GABRB2: variants seen among roughly 807,000 people sequenced by gnomAD.
GABRB2 encodes the protein gamma-aminobutyric acid type A receptor subunit beta2.
GABRB2 carries 16 observed loss-of-function variants against 54.7 expected under a neutral mutation model. That is an observed-to-expected ratio of 0.29 (90% CI 0.20 to 0.44). The LOEUF (loss-of-function observed/expected upper bound fraction) is 0.44. Among genes scored for constraint, GABRB2 ranks in the 20% least tolerant of loss-of-function variants. GABRB2 has a pLI of 1.00. For synonymous variants in GABRB2, 244 were observed against 233.8 expected (o/e 1.04, Z -0.40); for missense variants, 355 against 644.0 (o/e 0.55, Z 4.86).
intron 5 of GABRB2, among the ~76,000 whole-genome samples, chr5:161,368,562 A>G (rs1367152671): frequency 6.6e-6 from 1 of 152,190 alleles, no homozygotes; most frequent in East Asian, 1.9e-4. Flanking sequence ...AAAGAAAATT[A>G]GACCTGATGG....
At chr5:161,297,147 T>C (rs558706174) in intron 9 of GABRB2, among the ~76,000 whole-genome samples, 3 of 152,230 alleles carry the variant, frequency 2.0e-5, no homozygotes, top group African/African-American at 7.2e-5. Context: ...CTAGAGATCT[T>C]GACAGGCTGA....
intron 5 of GABRB2, among the ~76,000 whole-genome samples, chr5:161,401,349 G>A (rs368261967): frequency 2.4e-4 from 37 of 152,144 alleles, no homozygotes; most frequent in African/African-American, 8.7e-4. Flanking sequence ...AATTCTAAAT[G>A]TACTTGGGGT....
chr5:161,443,565 C>T (rs999282855), intron 4 of GABRB2, among the ~76,000 whole-genome samples: 4 of 152,204 alleles, frequency 2.6e-5, no homozygotes, highest in African/African-American at 7.2e-5. Flanking sequence ...TGAGGTTCCC[C>T]AAATCAGAAT....
intron 9 of GABRB2, among the ~76,000 whole-genome samples, chr5:161,319,850 C>T (rs1758156768): frequency 6.6e-6 from 1 of 151,658 alleles, no homozygotes; most frequent in African/African-American, 2.4e-5. Flanking sequence ...TTAAGTTCAT[C>T]TTTAGTTAAT....
intron 5 of GABRB2, among the ~76,000 whole-genome samples, chr5:161,338,363 C>T (rs1342396826): frequency 6.6e-6 from 1 of 152,124 alleles, no homozygotes; most frequent in Non-Finnish European, 1.5e-5. Flanking sequence ...CTTGCAAACA[C>T]CACAAACTAT....
chr5:161,388,915 AT>A (rs1225350551), intron 5 of GABRB2, among the ~76,000 whole-genome samples: 1 of 152,044 alleles, frequency 6.6e-6, no homozygotes, highest in African/African-American at 2.4e-5. Context: ...TAAGCCTTGA[AT>A]AATTCTTTTT....
chr5:161,466,200 A>T (rs1368064274), intron 3 of GABRB2, among the ~76,000 whole-genome samples: 1 of 152,074 alleles, frequency 6.6e-6, no homozygotes, highest in Non-Finnish European at 1.5e-5. Context: ...TATCCATCAT[A>T]TAAAGTGTAC....
At chr5:161,471,204 A>G (rs1455542820) in intron 3 of GABRB2, among the ~76,000 whole-genome samples, 1 of 152,020 alleles carries the variant, frequency 6.6e-6, no homozygotes, top group Non-Finnish European at 1.5e-5. Context: ...TTTATCTATC[A>G]AAAGCAAACG....
At chr5:161,350,780 T>C (rs995052735) in intron 5 of GABRB2, among the ~76,000 whole-genome samples, 9 of 152,108 alleles carry the variant, frequency 5.9e-5, no homozygotes, top group Admixed American at 4.6e-4. Context: ...CTAAGTCTTC[T>C]GGTCTCCATC....
intron 5 of GABRB2, among the ~76,000 whole-genome samples, chr5:161,362,504 G>A (rs1340672851): frequency 6.6e-6 from 1 of 152,088 alleles, no homozygotes; most frequent in Non-Finnish European, 1.5e-5. Flanking sequence ...AAAAGCAATG[G>A]CAACAAAAGC....
chr5:161,306,122 C>T (rs1012463307), intron 9 of GABRB2, among the ~76,000 whole-genome samples: 7 of 152,202 alleles, frequency 4.6e-5, no homozygotes, highest in African/African-American at 1.7e-4. Flanking sequence ...GGTTTTGAAA[C>T]TGACGTCAAT....
intron 9 of GABRB2, among the ~76,000 whole-genome samples, chr5:161,313,925 G>T (rs1165183334): frequency 6.6e-6 from 1 of 152,184 alleles, no homozygotes; most frequent in Non-Finnish European, 1.5e-5. Flanking sequence ...GTCTCCAAGA[G>T]GATTAGTTTA....
chr5:161,490,773 G>A (rs935115544), intron 3 of GABRB2, among the ~76,000 whole-genome samples: 3 of 151,670 alleles, frequency 2.0e-5, no homozygotes, highest in Admixed American at 2.0e-4. Flanking sequence ...AGTGCCTCCT[G>A]GTGAACATTT....
intron 5 of GABRB2, among the ~76,000 whole-genome samples, chr5:161,344,793 C>A (rs1011835689): frequency 9.9e-5 from 15 of 152,066 alleles, no homozygotes; most frequent in Admixed American, 2.6e-4. Context: ...TGGAACCAAT[C>A]CAAATGCCAA....
At chr5:161,424,529 G>A (rs1019935211) in intron 4 of GABRB2, among the ~76,000 whole-genome samples, 1 of 152,114 alleles carries the variant, frequency 6.6e-6, no homozygotes, top group South Asian at 2.1e-4. Flanking sequence ...TCTGTTTACA[G>A]CATGATTTAC....
chr5:161,477,396 G>A (rs571505620), intron 3 of GABRB2, among the ~76,000 whole-genome samples: 4 of 151,546 alleles, frequency 2.6e-5, no homozygotes, highest in Non-Finnish European at 5.9e-5. Flanking sequence ...AAAACAGTAT[G>A]GCTGTTCCTA....
rs761713866 is a variant in GABRB2, at chr5:161,326,479, A to T, written c.1080T>A (p.Ile360=). The T allele has an allele frequency of 1.9e-6, 3 of 1,613,000 alleles. No homozygotes were observed. The highest frequency in any genetic ancestry group is 4.5e-5 in the East Asian group (2 of 44,850). The part of the protein sequence containing the change: ...NEKMRLDVNK[I]FYKDIKQNGT... The stretch of plus-strand genomic sequence containing the variant: ...CATTTTGTTTAATATCTTTATAAAA[A>T]ATCTGGAAGACAAAGTAGAGAATGT... The change falls in exon 9 of 10, where the codon ATT becomes ATA. Residue 360 remains isoleucine (I), a splice_region_variant and synonymous_variant. Transcript: ENST00000393959.
chr5:161,388,897 A>G (rs570225489), intron 5 of GABRB2, among the ~76,000 whole-genome samples: 4 of 152,128 alleles, frequency 2.6e-5, no homozygotes, highest in Admixed American at 6.6e-5. Context: ...TATCCATATA[A>G]TGTGCCATAA....
At chr5:161,413,403 T>C (rs1721931199) in intron 4 of GABRB2, among the ~76,000 whole-genome samples, 1 of 152,158 alleles carries the variant, frequency 6.6e-6, no homozygotes, top group South Asian at 2.1e-4. Flanking sequence ...AACTTCATTG[T>C]TTATGTTTTC....
Sources: allele counts gnomAD v4.1 joint callset (sites outside exome capture counted in the v4.1 genomes callset), GRCh38; gene constraint gnomAD v4.1.1; transcripts MANE v1.5; gene names NCBI Gene and HGNC (gene_info 2026-07-23, HGNC 2026-07-21).